SMARCA2: variants seen among roughly 807,000 people sequenced by gnomAD.
The protein encoded by SMARCA2 is SWI/SNF-related matrix-associated actin-dependent regulator of chromatin subfamily A member 2.
In SMARCA2, 61 loss-of-function variants were observed where a neutral mutation model predicts 199.8. The ratio of observed to expected loss-of-function variants is 0.31; its 90% CI spans 0.25 to 0.38. SMARCA2 has a LOEUF of 0.38. Ranked by LOEUF, SMARCA2 falls within the 10% of genes least tolerant of loss-of-function variation. The pLI, the probability that SMARCA2 is intolerant of heterozygous loss-of-function variation, is 1.00. For synonymous variants in SMARCA2, 935 were observed against 732.0 expected (o/e 1.28, Z -4.48); for missense variants, 1,344 against 2,012.2 (o/e 0.67, Z 6.35).
chr9:2,180,759 T>G (rs959953032), intron 29 of SMARCA2, among the ~76,000 whole-genome samples: 5 of 152,256 alleles, frequency 3.3e-5, no homozygotes, highest in Admixed American at 6.5e-5. Flanking sequence ...AAAGCTCATA[T>G]GCTTTGTAGC....
chr9:2,128,228 A>G (rs1235177720), intron 27 of SMARCA2, among the ~76,000 whole-genome samples: 1 of 152,214 alleles, frequency 6.6e-6, no homozygotes, highest in Non-Finnish European at 1.5e-5. Flanking sequence ...ATGGGTCTCC[A>G]CTGATCTCAG....
intron 5 of SMARCA2, 116 bp downstream of exon 5, chr9:2,047,600 G>T (rs775657076): frequency 4.3e-6 from 5 of 1,167,534 alleles, no homozygotes; most frequent in East Asian, 7.3e-5. Context: ...TCACCCGTGC[G>T]GTCGGAAAAC....
At chr9:2,131,111 C>T (rs142397825) in intron 27 of SMARCA2, among the ~76,000 whole-genome samples, 4 of 152,288 alleles carry the variant, frequency 2.6e-5, no homozygotes, top group South Asian at 4.1e-4. Flanking sequence ...TTAATTGCTA[C>T]GTGAGTGATT....
At chr9:2,185,572 G>T (rs76392593) in intron 31 of SMARCA2, among the ~76,000 whole-genome samples, 1,651 of 152,136 alleles carry the variant, frequency 0.011, 35 homozygotes, top group African/African-American at 0.038. Context: ...TCAATTTTTT[G>T]AGGAAAAGGA....
intron 3 of SMARCA2, among the ~76,000 whole-genome samples, chr9:2,033,563 A>G (rs539114909): frequency 1.3e-5 from 2 of 152,362 alleles, no homozygotes; most frequent in Admixed American, 6.5e-5. Flanking sequence ...CATTGTCTAT[A>G]AGGCAGCTTT....
At chr9:2,174,053 C>T (rs544478278) in intron 29 of SMARCA2, among the ~76,000 whole-genome samples, 1 of 152,242 alleles carries the variant, frequency 6.6e-6, no homozygotes, top group African/African-American at 2.4e-5. Flanking sequence ...GCCAGTTATG[C>T]CCACGTACAG....
intron 7 of SMARCA2, 83 bp from the exon 8 acceptor site, chr9:2,058,208 T>C: frequency 1.6e-6 from 2 of 1,239,692 alleles, no homozygotes; most frequent in South Asian, 1.3e-5. Context: ...ACACTGAGAG[T>C]TTTCTTGGAC....
At chr9:2,091,138 A>G (rs916683865) in intron 19 of SMARCA2, among the ~76,000 whole-genome samples, 1 of 152,156 alleles carries the variant, frequency 6.6e-6, no homozygotes. Context: ...TTTGGTGTAT[A>G]GTTTTATGAG....
chr9:2,100,531 G>C lies in SMARCA2; in HGVS notation c.3079-1039G>C, dbSNP rs182657456. ...AGCCTGGCCAATGTGGCGAAACCCT[G>C]TTTCTACTAAAAATACAGAAAATTA... On this transcript the variant is annotated intron_variant, in intron 21 of 33. Coordinates refer to ENST00000349721, the MANE Select transcript of SMARCA2 (RefSeq NM_003070.5). Among the ~76,000 whole-genome samples the C allele has an allele frequency of 4.9e-3, 742 of 152,124 alleles. 15 individuals carry two copies. Among genetic ancestry groups the C allele is most frequent in the Admixed American group, 0.04 (609 of 15,278 alleles).
At chr9:2,089,753 A>G (rs1211992269) in intron 19 of SMARCA2, among the ~76,000 whole-genome samples, 1 of 152,184 alleles carries the variant, frequency 6.6e-6, no homozygotes, top group Non-Finnish European at 1.5e-5. Context: ...TCTGTTCAAG[A>G]TGGAGTTTAG....
chr9:2,046,449 AT>A (rs1001381999), intron 4 of SMARCA2, among the ~76,000 whole-genome samples: 5 of 152,100 alleles, frequency 3.3e-5, no homozygotes, highest in East Asian at 1.9e-4. Context: ...GAATGAGCAG[AT>A]TTTTTTTGGC....
chr9:2,073,353 A>T lies in SMARCA2; in HGVS notation c.1877+11A>T. The T allele has an allele frequency of 3.1e-6, 5 of 1,614,102 alleles. No individual in the cohort carries two copies. Among genetic ancestry groups the T allele is most frequent in the Non-Finnish European group, 4.2e-6 (5 of 1,179,992 alleles). On this transcript the variant is annotated intron_variant, in intron 11 of 33. Coordinates refer to ENST00000349721, the MANE Select transcript of SMARCA2 (RefSeq NM_003070.5). ...GGAAATGAATCCTGGGTAAGGCATG[A>T]AAGCAGCGTTCATGGTGTTCTTTTA...
chr9:2,168,956 A>C (rs554329055), intron 28 of SMARCA2, among the ~76,000 whole-genome samples: 1 of 152,206 alleles, frequency 6.6e-6, no homozygotes, highest in African/African-American at 2.4e-5. Context: ...CTAAGGTAGC[A>C]CTTGTTGTTT....
At chr9:2,147,595 T>C (rs1230153700) in intron 27 of SMARCA2, among the ~76,000 whole-genome samples, 1 of 152,102 alleles carries the variant, frequency 6.6e-6, no homozygotes, top group South Asian at 2.1e-4. Flanking sequence ...CCTGTAATCC[T>C]AGCACTTTGG....
At chr9:2,072,809 A>G (rs760261876) in intron 10 of SMARCA2, among the ~76,000 whole-genome samples, 1 of 152,202 alleles carries the variant, frequency 6.6e-6, no homozygotes, top group Non-Finnish European at 1.5e-5. Context: ...ATGCTCTACA[A>G]CTGGTCTAGT....
At position 2,184,526 on chromosome 9, in the gene SMARCA2, A is replaced by T. The variant is rs555297891; in HGVS notation, c.4462-1570A>T. Among the ~76,000 whole-genome samples the T allele has an allele frequency of 2.1e-4, 32 of 150,672 alleles. No individual in the cohort carries two copies. The East Asian group carries it at 6.1e-3, about 29-fold the overall frequency. ...ACCACCATGCCCGGCTAATTTTTGT[A>T]TTTTTTTTAGTAGAGATGGGGTTTC... On this transcript the variant is annotated intron_variant, in intron 31 of 33. Coordinates refer to ENST00000349721, the MANE Select transcript of SMARCA2 (RefSeq NM_003070.5).
chr9:2,053,279 T>C (rs1820207565), intron 5 of SMARCA2, among the ~76,000 whole-genome samples: 2 of 152,232 alleles, frequency 1.3e-5, no homozygotes, highest in South Asian at 4.1e-4. Flanking sequence ...TCCAGCTGCA[T>C]CCATGTTGCT....
At chr9:2,136,232 G>A (rs1383432035) in intron 27 of SMARCA2, among the ~76,000 whole-genome samples, 12 of 147,448 alleles carry the variant, frequency 8.1e-5, no homozygotes, top group African/African-American at 2.8e-4. Context: ...CTGTTGCCCC[G>A]GCTGGAGTGC....
At chr9:2,167,964 C>T (rs769294605) in intron 28 of SMARCA2, among the ~76,000 whole-genome samples, 11 of 151,814 alleles carry the variant, frequency 7.2e-5, no homozygotes, top group Admixed American at 7.2e-4. Flanking sequence ...ATGACATTAC[C>T]TGGTACTTAT....
Sources: allele counts gnomAD v4.1 joint callset (sites outside exome capture counted in the v4.1 genomes callset), GRCh38; gene constraint gnomAD v4.1.1; transcripts MANE v1.5; gene names NCBI Gene and HGNC (gene_info 2026-07-23, HGNC 2026-07-21).